The following CLIP4 variants were observed in gnomAD, a reference collection of about 807,000 sequenced individuals.
The protein encoded by CLIP4 is CAP-Gly domain-containing linker protein 4.
CLIP4 carries 47 observed loss-of-function variants against 73.1 expected under a neutral mutation model. The ratio of observed to expected loss-of-function variants is 0.64; its 90% CI spans 0.51 to 0.82. The LOEUF is 0.82. Among genes scored for constraint, CLIP4 ranks in the 40% least tolerant of loss-of-function variants. The pLI is 0.00. For missense variants in CLIP4, 874 were observed against 852.9 expected (o/e 1.02, Z -0.31); for synonymous variants, 306 against 295.4 (o/e 1.04, Z -0.37).
At chr2:29,128,189 T>G (rs973554443) in intron 2 of CLIP4, among the ~76,000 whole-genome samples, 3 of 24,246 alleles carry the variant, frequency 1.2e-4, no homozygotes, top group East Asian at 8.5e-4. Context: ...ATGTCTGTGT[T>G]TTTTTTTTTT....
chr2:29,183,688 T>C lies in CLIP4; in HGVS notation c.*1795T>C, dbSNP rs1490164848. The C allele has an allele frequency of 6.6e-6, 1 of 152,624 alleles. No homozygotes were observed. Among genetic ancestry groups the C allele is most frequent in the Non-Finnish European group, 1.5e-5 (1 of 68,048 alleles). The allele number at this position is 152,624 out of a possible 1,614,324, so 9.5% of individuals were successfully genotyped here. ...TGAGGATGATTGAGTCCATATACTATGTATGTTTACATATACTATACATGC... is the reference window on the plus strand; with the variant it reads ...TGAGGATGATTGAGTCCATATACTACGTATGTTTACATATACTATACATGC... On this transcript the variant is annotated 3_prime_UTR_variant, in exon 16 of 16. Coordinates refer to ENST00000320081, the MANE Select transcript of CLIP4 (RefSeq NM_024692.6).
intron 14 of CLIP4, among the ~76,000 whole-genome samples, chr2:29,170,299 A>G (rs1667919447): frequency 6.6e-6 from 1 of 152,152 alleles, no homozygotes; most frequent in African/African-American, 2.4e-5. Context: ...ATTATATGAT[A>G]GTTCTATTTT....
intron 9 of CLIP4, among the ~76,000 whole-genome samples, chr2:29,153,097 T>C (rs1261644693): frequency 6.6e-6 from 1 of 152,136 alleles, no homozygotes; most frequent in African/African-American, 2.4e-5. Flanking sequence ...TTTCATACTT[T>C]CATCAAATTT....
chr2:29,139,998 TA>T (rs2147980012), intron 6 of CLIP4, among the ~76,000 whole-genome samples: 1 of 152,240 alleles, frequency 6.6e-6, no homozygotes, highest in Admixed American at 6.5e-5. Context: ...CAATTTTAGT[TA>T]TTTTTTTGAC....
intron 15 of CLIP4, among the ~76,000 whole-genome samples, chr2:29,178,129 T>C (rs1558590098): frequency 6.6e-6 from 1 of 152,176 alleles, no homozygotes; most frequent in African/African-American, 2.4e-5. Flanking sequence ...AGATTATCAC[T>C]GTTAGCATTT....
chr2:29,143,893 T>C lies in CLIP4; in HGVS notation c.833T>C (p.Leu278Pro), dbSNP rs753775161. 6.2e-7 allele frequency: 1 copy of C among 1,614,166 alleles called. No homozygotes were observed. The highest frequency in any genetic ancestry group is 2.2e-5 in the East Asian group (1 of 44,880). Residue 278 changes from leucine to proline, a missense_variant, in exon 7 of 16, where the codon CTT becomes CCT. Coordinates refer to ENST00000320081, the MANE Select transcript of CLIP4 (RefSeq NM_024692.6). ...GATCATGTCACTGGCAAGGCAATGCTTACGTCACTTGGCCTGAAGTTGGGG... is the reference window on the plus strand; with the variant it reads ...GATCATGTCACTGGCAAGGCAATGCCTACGTCACTTGGCCTGAAGTTGGGG... ...NYDHVTGKAM[L>P]TSLGLKLGDR... is the part of the protein sequence containing the mutation.
chr2:29,104,327 G>A (rs1178194960), intron 1 of CLIP4, among the ~76,000 whole-genome samples: 1 of 152,132 alleles, frequency 6.6e-6, no homozygotes, highest in Non-Finnish European at 1.5e-5. Flanking sequence ...CCAGGCTGGA[G>A]TGCAGTGATG....
chr2:29,109,419 C>G (rs573096101), intron 1 of CLIP4, among the ~76,000 whole-genome samples: 1 of 152,094 alleles, frequency 6.6e-6, no homozygotes, highest in South Asian at 2.1e-4. Context: ...TCATGAGGTA[C>G]ACAGTGATGT....
chr2:29,137,290 C>T (rs1665436030), intron 6 of CLIP4, among the ~76,000 whole-genome samples: 1 of 152,100 alleles, frequency 6.6e-6, no homozygotes, highest in Non-Finnish European at 1.5e-5. Context: ...ATTTGGTTTT[C>T]TGTTTCTGCA....
intron 2 of CLIP4, among the ~76,000 whole-genome samples, chr2:29,125,972 C>G (rs1397428205): frequency 6.6e-6 from 1 of 152,072 alleles, no homozygotes; most frequent in Non-Finnish European, 1.5e-5. Context: ...GTTAGGAGTT[C>G]AAGACCAGCC....
At chr2:29,167,604 T>G (rs1573015195) in intron 14 of CLIP4, 64 bp downstream of exon 14, 1 of 1,270,896 alleles carries the variant, frequency 7.9e-7, no homozygotes, top group South Asian at 1.4e-5. Flanking sequence ...TGAAAAATTT[T>G]TATTATGAGG....
At chr2:29,171,390 T>A (rs574340799) in intron 14 of CLIP4, among the ~76,000 whole-genome samples, 1 of 152,276 alleles carries the variant, frequency 6.6e-6, no homozygotes, top group Admixed American at 6.5e-5. Context: ...TAATATATAT[T>A]TTTTTACCTT....
intron 6 of CLIP4, among the ~76,000 whole-genome samples, chr2:29,136,638 C>T (rs1665382711): frequency 6.6e-6 from 1 of 151,914 alleles, no homozygotes; most frequent in Non-Finnish European, 1.5e-5. Context: ...GTCATCTTCC[C>T]AAGGCTTCAA....
chr2:29,112,015 C>A (rs1668397212), upstream of CLIP4, among the ~76,000 whole-genome samples: 1 of 152,116 alleles, frequency 6.6e-6, no homozygotes, highest in African/African-American at 2.4e-5. Context: ...ATGCCGTCTT[C>A]TAAATAATTT....
chr2:29,178,136 A>G (rs1668449477), intron 15 of CLIP4, among the ~76,000 whole-genome samples: 1 of 151,918 alleles, frequency 6.6e-6, no homozygotes, highest in East Asian at 1.9e-4. Context: ...CACTGTTAGC[A>G]TTTGGTATAC....
chr2:29,177,028 G>A (rs1668384252), intron 15 of CLIP4, among the ~76,000 whole-genome samples: 1 of 152,184 alleles, frequency 6.6e-6, no homozygotes. Flanking sequence ...ATTGGCTCTT[G>A]TGTTTCCCTG....
intron 2 of CLIP4, among the ~76,000 whole-genome samples, chr2:29,127,145 T>A (rs115195573): frequency 0.017 from 2,517 of 152,248 alleles, 51 homozygotes; most frequent in African/African-American, 0.048. Flanking sequence ...CATTCTCAAG[T>A]ATGCCATTCC....
At chr2:29,145,969 A>C (rs1045143039) in intron 8 of CLIP4, among the ~76,000 whole-genome samples, 3 of 152,224 alleles carry the variant, frequency 2.0e-5, no homozygotes, top group African/African-American at 4.8e-5. Flanking sequence ...GGCATGAGCC[A>C]CTGTGCCTGG....
intron 8 of CLIP4, among the ~76,000 whole-genome samples, chr2:29,150,200 T>C (rs1666459668): frequency 6.6e-6 from 1 of 152,228 alleles, no homozygotes; most frequent in Admixed American, 6.5e-5. Flanking sequence ...TTTAGCCTTC[T>C]ACCCCATCCC....
Sources: allele counts gnomAD v4.1 joint callset (sites outside exome capture counted in the v4.1 genomes callset), GRCh38; gene constraint gnomAD v4.1.1; transcripts MANE v1.5; gene names NCBI Gene and HGNC (gene_info 2026-07-23, HGNC 2026-07-21).